The following SLC38A7 variants were observed in gnomAD, a reference collection of about 807,000 sequenced individuals.
SLC38A7 encodes solute carrier family 38 member 7.
A neutral mutation model predicts 50.1 loss-of-function variants in SLC38A7; 29 were observed. The observed-to-expected ratio is 0.58, with a 90% CI of 0.43 to 0.79. SLC38A7 has a LOEUF of 0.79. Ranked by LOEUF, SLC38A7 falls within the 30% of genes least tolerant of loss-of-function variation. The pLI is 0.00. For missense variants in SLC38A7, 483 were observed against 610.6 expected (o/e 0.79, Z 2.20); for synonymous variants, 244 against 245.9 (o/e 0.99, Z 0.07).
intron 6 of SLC38A7, 94 bp downstream of exon 6, chr16:58,677,232 G>C: frequency 3.0e-6 from 3 of 1,016,132 alleles, no homozygotes; most frequent in East Asian, 4.8e-5. Context: ...GCCTTGAGAA[G>C]AGCACCTGTG....
intron 9 of SLC38A7, 115 bp from the exon 10 acceptor site, chr16:58,671,359 C>T: frequency 1.0e-6 from 1 of 987,824 alleles, no homozygotes; most frequent in Non-Finnish European, 1.5e-6. Flanking sequence ...CCATTCCTGA[C>T]CCTCAGTTTC....
At chr16:58,676,593 G>A (rs2044271608) in intron 6 of SLC38A7, among the ~76,000 whole-genome samples, 1 of 152,200 alleles carries the variant, frequency 6.6e-6, no homozygotes, top group African/African-American at 2.4e-5. Flanking sequence ...CCTGGACTGG[G>A]GCTTTTGCTT....
intron 11 of SLC38A7, among the ~76,000 whole-genome samples, chr16:58,669,652 C>T (rs1237552181): frequency 2.0e-5 from 3 of 151,762 alleles, no homozygotes; most frequent in African/African-American, 7.3e-5. Flanking sequence ...TAGCACACTA[C>T]CGAATTTTTA....
rs1271636330 is a variant in SLC38A7 at position 58,678,414 on chromosome 16, T to C, written c.530A>G (p.Lys177Arg). The change falls in exon 5 of 12, where the codon AAG (lysine) becomes AGG (arginine). Residue 177 changes from lysine to arginine, a missense_variant. Lys to Arg is a conservative substitution (Grantham distance 26). Transcript: ENST00000219320. The surrounding 1 kb of genome is among the most constrained non-coding windows in gnomAD (Gnocchi z 4.0). ...GAAGGCAGTGAGGCTGATGGTGAACTTGCGGTCTGTGTACCAAGGGCCGCT... is the reference window on the plus strand; with the variant it reads ...GAAGGCAGTGAGGCTGATGGTGAACCTGCGGTCTGTGTACCAAGGGCCGCT... ...GASGPWYTDR[K>R]FTISLTAFLF... The C allele has an allele frequency of 1.1e-5, 18 of 1,600,420 alleles. No individual in the cohort carries two copies. The highest frequency in any genetic ancestry group is 1.5e-5 in the Non-Finnish European group (18 of 1,172,774).
intron 5 of SLC38A7, among the ~76,000 whole-genome samples, chr16:58,677,979 C>G (rs1246278496): frequency 6.6e-6 from 1 of 151,848 alleles, no homozygotes; most frequent in African/African-American, 2.4e-5. Flanking sequence ...AGGTAAGATG[C>G]TGGTAGGCTG....
intron 8 of SLC38A7, among the ~76,000 whole-genome samples, chr16:58,673,456 G>T (rs180719185): frequency 3.9e-4 from 60 of 152,060 alleles, no homozygotes; most frequent in Non-Finnish European, 7.4e-4. Context: ...GGCTGGTCTC[G>T]AACTCCTGAC....
At chr16:58,677,816 G>A (rs2044301946) in intron 5 of SLC38A7, among the ~76,000 whole-genome samples, 1 of 152,172 alleles carries the variant, frequency 6.6e-6, no homozygotes, top group Non-Finnish European at 1.5e-5. Context: ...AGGTAAGAGG[G>A]TTGAGAGTAC....
At chr16:58,680,665 C>T (rs915291187) in intron 2 of SLC38A7, among the ~76,000 whole-genome samples, 2 of 152,136 alleles carry the variant, frequency 1.3e-5, no homozygotes, top group African/African-American at 4.8e-5. Context: ...GTCTGGCTTC[C>T]CAGCCTGTTT....
At chr16:58,672,060 G>C (rs2044169498) in intron 9 of SLC38A7, 36 bp downstream of exon 9, 2 of 1,536,606 alleles carry the variant, frequency 1.3e-6, no homozygotes, top group Non-Finnish European at 8.8e-7. Context: ...GCTCACAGGG[G>C]CTAGGAGGGG....
chr16:58,670,245 A>C, intron 10 of SLC38A7, 78 bp from the exon 11 acceptor site: 1 of 1,415,648 alleles, frequency 7.1e-7, no homozygotes, highest in South Asian at 1.2e-5. Context: ...TTTCCCAAGA[A>C]GCAGTGCTGG....
chr16:58,679,431 G>A (rs2044339320), intron 3 of SLC38A7, among the ~76,000 whole-genome samples: 1 of 152,090 alleles, frequency 6.6e-6, no homozygotes, highest in African/African-American at 2.4e-5. Flanking sequence ...GAACTGGCAT[G>A]TATCCATCAC....
intron 2 of SLC38A7, chr16:58,681,445 C>T (rs1347076842): frequency 6.6e-6 from 1 of 152,018 alleles, no homozygotes; most frequent in Non-Finnish European, 1.5e-5. Flanking sequence ...TTTTTTTCTT[C>T]CAAGAATCTC....
Position 58,676,064 on chromosome 16 carries a change from T to A in SLC38A7, c.769-10A>T. 1 of 1,611,392 alleles carries A rather than the reference T, an allele frequency of 6.2e-7. No homozygotes were observed. The highest frequency in any genetic ancestry group is 8.5e-7 in the Non-Finnish European group (1 of 1,178,696). On this transcript the variant is annotated splice_polypyrimidine_tract_variant and intron_variant, in intron 7 of 11. Coordinates refer to ENST00000219320, the MANE Select transcript of SLC38A7 (RefSeq NM_018231.3). ...CACTGCTGACGTGGCACTGTCCAGGTGAAGGGCACCGTCATGGTGGGGAAA... is the reference window on the plus strand; with the variant it reads ...CACTGCTGACGTGGCACTGTCCAGGAGAAGGGCACCGTCATGGTGGGGAAA...
At position 58,665,629 on chromosome 16, in the gene SLC38A7, C is replaced by G. The variant is rs932248471; in HGVS notation, c.*1756G>C. 1 of 152,214 alleles carries G rather than the reference C, an allele frequency of 6.6e-6. No homozygotes were observed. Among genetic ancestry groups the G allele is most frequent in the Non-Finnish European group, 1.5e-5 (1 of 68,320 alleles). 9.4% of individuals were successfully genotyped at this position (152,214 alleles called of 1,614,324 possible). On this transcript the variant is annotated 3_prime_UTR_variant, in exon 12 of 12. Transcript: ENST00000219320. ...TACAGAGGTTTTGGGGAAGAGGGGA[C>G]AAGGAAATGCTAGGGGCTCCAGGTG...
At chr16:58,676,595 C>G (rs1164350378) in intron 6 of SLC38A7, among the ~76,000 whole-genome samples, 1 of 152,166 alleles carries the variant, frequency 6.6e-6, no homozygotes, top group African/African-American at 2.4e-5. Context: ...TGGACTGGGG[C>G]TTTTGCTTTA....
rs34833577 is a variant in SLC38A7 at position 58,675,920 on chromosome 16, TG to T, written c.883+19del. On this transcript the variant is annotated intron_variant, in intron 8 of 11. Coordinates refer to ENST00000219320, the MANE Select transcript of SLC38A7 (RefSeq NM_018231.3). ...GTGAGAGCACTCTAGTCCCAGGTCT[TG>T]GGGGGGGGGAGCACTCACCTGTCCC... 313,309 of 1,473,594 alleles carry T rather than the reference TG, an allele frequency of 0.21. 36,191 individuals carry two copies. Among genetic ancestry groups the T allele is most frequent in the African/African-American group, 0.55 (39,461 of 72,248 alleles). The allele number at this position is 1,473,594 out of a possible 1,614,324, so 91.3% of individuals were successfully genotyped here. A position where few individuals can be genotyped will look rare whatever the true frequency, so the allele number is the denominator to read the frequency against.
intron 7 of SLC38A7, 51 bp downstream of exon 7, chr16:58,676,238 G>C: frequency 6.2e-7 from 1 of 1,611,636 alleles, no homozygotes; most frequent in East Asian, 2.2e-5. Flanking sequence ...TTCCATCCCA[G>C]GGTGGGGTGA....
At chr16:58,682,103 G>A (rs1033503853) in intron 2 of SLC38A7, among the ~76,000 whole-genome samples, 1 of 152,114 alleles carries the variant, frequency 6.6e-6, no homozygotes, top group Non-Finnish European at 1.5e-5. Flanking sequence ...TTTGCAGTGA[G>A]CCCAGATCAC....
At chr16:58,674,539 A>G (rs2044226243) in intron 8 of SLC38A7, among the ~76,000 whole-genome samples, 1 of 152,084 alleles carries the variant, frequency 6.6e-6, no homozygotes, top group Non-Finnish European at 1.5e-5. Flanking sequence ...GGCCTCCCAT[A>G]GCTGAGATTA....
Sources: allele counts gnomAD v4.1 joint callset (sites outside exome capture counted in the v4.1 genomes callset), GRCh38; gene constraint gnomAD v4.1.1; non-coding constraint Gnocchi (gnomAD v3.1); transcripts MANE v1.5; gene names NCBI Gene and HGNC (gene_info 2026-07-23, HGNC 2026-07-21).